The following AKR7A3 variants were observed in gnomAD, a reference collection of about 807,000 sequenced individuals.
AKR7A3 encodes AFB1 aldehyde reductase 2.
In AKR7A3, 37 loss-of-function variants were observed where a neutral mutation model predicts 32.5. The observed-to-expected ratio is 1.14, with a 90% CI of 0.88 to 1.50. AKR7A3 has a LOEUF of 1.50. Ranked by LOEUF, AKR7A3 falls within the 40% of genes most tolerant of loss-of-function variation. AKR7A3 has a pLI of 0.00. For missense variants in AKR7A3, 412 were observed against 453.2 expected (o/e 0.91, Z 0.83); for synonymous variants, 177 against 188.4 (o/e 0.94, Z 0.50).
downstream of AKR7A3, among the ~76,000 whole-genome samples, chr1:19,280,052 G>A (rs1351919727): frequency 6.6e-6 from 1 of 151,854 alleles, no homozygotes; most frequent in Non-Finnish European, 1.5e-5. Context: ...GGTCTAGACA[G>A]AACATCATCG....
Position 19,282,697 on chromosome 1 carries a change from A to G in AKR7A3, c.*34T>C, listed in dbSNP as rs1471813048. Reference sequence around the variant, plus strand: ...AAATGTGAGTAACAAAAGATGTTACAGAAGAGCCTTGGGCAGCCTGAGAAA... The same window carrying G: ...AAATGTGAGTAACAAAAGATGTTACGGAAGAGCCTTGGGCAGCCTGAGAAA... On this transcript the variant is annotated 3_prime_UTR_variant, in exon 7 of 7. Coordinates refer to ENST00000361640, the MANE Select transcript of AKR7A3 (RefSeq NM_012067.3). The G allele has an allele frequency of 6.2e-7, 1 of 1,613,858 alleles. No homozygotes were observed. Among genetic ancestry groups the G allele is most frequent in the Admixed American group, 1.7e-5 (1 of 60,012 alleles).
chr1:19,283,833 C>T (rs1268608096), intron 6 of AKR7A3, among the ~76,000 whole-genome samples, 163 bp downstream of exon 6: 1 of 142,818 alleles, frequency 7.0e-6, no homozygotes, highest in Non-Finnish European at 1.5e-5. Flanking sequence ...TCTGTCCCCC[C>T]AAAAAAAAAA....
intron 6 of AKR7A3, among the ~76,000 whole-genome samples, chr1:19,283,780 G>A (rs1013350555): frequency 1.2e-4 from 18 of 151,958 alleles, no homozygotes; most frequent in Admixed American, 7.8e-4. Flanking sequence ...GCAGTGACCC[G>A]AGATCATGCC....
chr1:19,275,786 C>A, the AKR7A3 span, among the ~76,000 whole-genome samples: 9 of 151,784 alleles, frequency 5.9e-5, no homozygotes, highest in Non-Finnish European at 5.9e-5. Context: ...ACCTGGGCAG[C>A]AGATTGAGAC....
chr1:19,284,911 G>A (rs1202133496), intron 4 of AKR7A3, 107 bp downstream of exon 4: 2 of 1,576,354 alleles, frequency 1.3e-6, no homozygotes, highest in Non-Finnish European at 1.7e-6. Context: ...TTACGTCTTT[G>A]ACCTCAGAGG....
intron 3 of AKR7A3, 59 bp from the exon 4 acceptor site, chr1:19,285,173 A>G (rs1489882694): frequency 9.2e-6 from 14 of 1,521,242 alleles, no homozygotes; most frequent in Non-Finnish European, 1.3e-5. Context: ...AGACTTCAAA[A>G]TTACCCTTCC....
In AKR7A3 at chr1:19,286,279, TGCA is replaced by T; in HGVS notation, c.305_307del (p.Leu102del). 6.2e-7 allele frequency: 1 copy of T among 1,613,948 alleles called. No homozygotes were observed. The highest frequency in any genetic ancestry group is 1.1e-5 in the South Asian group (1 of 91,084). On this transcript the variant is annotated inframe_deletion, in exon 2 of 7. Transcript: ENST00000361640. ...GTAGAAGAGGTCCACTCGGGGACAC[TGCA>T]GCCGCTTCAGTGACGTCTCCAGCTG...
In AKR7A3 at chr1:19,282,872, G is replaced by A; in HGVS notation, c.855C>T (p.Val285=). ...SQLQGAHGDA[V]ILGMSSLEQL... is the part of the protein sequence containing the mutation. The stretch of plus-strand genomic sequence containing the variant: ...GCTCCAGGCTGGACATGCCCAGGAT[G>A]ACCGCGTCCCCGTGGGCACCCTGCA... Residue 285 remains valine, a synonymous_variant, in exon 7 of 7, where the codon GTC becomes GTT. Transcript: ENST00000361640. 1 of 1,612,790 alleles carries A rather than the reference G, an allele frequency of 6.2e-7. No individual in the cohort carries two copies. Among genetic ancestry groups the A allele is most frequent in the South Asian group, 1.1e-5 (1 of 91,014 alleles).
downstream of AKR7A3, among the ~76,000 whole-genome samples, chr1:19,279,836 C>T (rs987238345): frequency 3.3e-5 from 5 of 151,822 alleles, no homozygotes; most frequent in Non-Finnish European, 5.9e-5. Flanking sequence ...ACCCACGACC[C>T]GCAGGCCGCA....
downstream of AKR7A3, chr1:19,282,452 G>A (rs546974019): frequency 3.1e-4 from 154 of 494,982 alleles, no homozygotes; most frequent in Middle Eastern, 1.2e-3. Flanking sequence ...AGCAGATGCC[G>A]GCACCACACC....
Position 19,288,729 on chromosome 1 carries a change from T to C in AKR7A3, c.-20A>G. The C allele has an allele frequency of 6.8e-7, 1 of 1,470,828 alleles. No homozygotes were observed. The highest frequency in any genetic ancestry group is 1.4e-5 in the South Asian group (1 of 73,852). 91.1% of individuals were successfully genotyped at this position (1,470,828 alleles called of 1,614,324 possible). A position where few individuals can be genotyped will look rare whatever the true frequency, so the allele number is the denominator to read the frequency against. On this transcript the variant is annotated 5_prime_UTR_variant, in exon 1 of 7. Transcript: ENST00000361640. ...GGACATGACGGCGGCAACGGGAGAC[T>C]GTGACAGCCCAGGAGCCGCGCGCAG...
rs373658016 is a variant in AKR7A3 at position 19,286,265 on chromosome 1, C to A, written c.322G>T (p.Asp108Tyr). The change falls in exon 2 of 7, where the codon GAC (aspartate) becomes TAC (tyrosine). Residue 108 changes from aspartate (D) to tyrosine (Y), a missense_variant. Physicochemically the swap from Asp to Tyr is radical, Grantham distance 160. Coordinates refer to ENST00000361640, the MANE Select transcript of AKR7A3 (RefSeq NM_012067.3). ...SLKRLQCPRV[D>Y]LFYLHMPDHS... The stretch of plus-strand genomic sequence containing the variant: ...TCTGGCATATGCAGGTAGAAGAGGT[C>A]CACTCGGGGACACTGCAGCCGCTTC... 31 of 1,613,808 alleles carry A rather than the reference C, an allele frequency of 1.9e-5. 1 individual carries two copies. In the African/African-American group the frequency reaches 3.6e-4, roughly 19 times the overall value.
At chr1:19,274,284 C>T in the AKR7A3 span, 3 of 1,004,918 alleles carry the variant, frequency 3.0e-6, no homozygotes, top group Non-Finnish European at 4.0e-6. Context: ...TTGCACCGAG[C>T]AAGCAGCGAA....
In AKR7A3 at chr1:19,284,696, A is replaced by G. The variant is rs745403878; in HGVS notation, c.694T>C (p.Tyr232His). 41 of 1,613,718 alleles carry G rather than the reference A, an allele frequency of 2.5e-5. No individual in the cohort carries two copies. In the Admixed American group the frequency reaches 3.5e-4, roughly 14 times the overall value. Residue 232 changes from tyrosine to histidine, a missense_variant, in exon 5 of 7, where the codon TAC (tyrosine) becomes CAC (histidine). By Grantham distance (83) the Tyr-to-His change is moderately conservative. Transcript: ENST00000361640. ...GCACCCACAGCTTACCGATTCCTGT[A>G]CATCTCTGCCCAGGTATTCCCAAAG... ...RFFGNTWAEM[Y>H]RNRYWKEHHF...
chr1:19,283,920 T>C (rs934664860), intron 6 of AKR7A3, 76 bp downstream of exon 6: 5 of 1,592,222 alleles, frequency 3.1e-6, no homozygotes, highest in Non-Finnish European at 4.3e-6. Context: ...GATAAACAAA[T>C]GTTTCAGCCT....
At position 19,286,280 on chromosome 1, in the gene AKR7A3, G is replaced by A. The variant is rs138113288; in HGVS notation, c.307C>T (p.Gln103Ter). The change falls in exon 2 of 7, where the codon CAG becomes TAG. Residue 103 changes from glutamine (Q) to a stop codon, truncating the protein, a stop_gained. Coordinates refer to ENST00000361640, the MANE Select transcript of AKR7A3 (RefSeq NM_012067.3). LOFTEE classifies it high-confidence loss of function. ...FQLETSLKRLQCPRVDLFYLH... is the reference protein window; with the variant it reads ...FQLETSLKRL ...TAGAAGAGGTCCACTCGGGGACACTGCAGCCGCTTCAGTGACGTCTCCAGC... is the reference window on the plus strand; with the variant it reads ...TAGAAGAGGTCCACTCGGGGACACTACAGCCGCTTCAGTGACGTCTCCAGC... The A allele has an allele frequency of 4.1e-5, 66 of 1,613,904 alleles. 1 individual carries two copies. In the African/African-American group the frequency reaches 8.0e-4, roughly 20 times the overall value.
the AKR7A3 span, among the ~76,000 whole-genome samples, chr1:19,274,913 A>AAAAAAAAAAAAAAAAAAAC: frequency 2.0e-5 from 3 of 148,780 alleles, no homozygotes; most frequent in Non-Finnish European, 3.0e-5. Flanking sequence ...AAAAAAAAAA[A>AAAAAAAAAAAAAAAAAAAC]AAGACCAATA....
chr1:19,281,525 C>T (rs2093718811), downstream of AKR7A3, among the ~76,000 whole-genome samples: 1 of 151,726 alleles, frequency 6.6e-6, no homozygotes, highest in African/African-American at 2.4e-5. Flanking sequence ...ATCCCAGCTA[C>T]TCAGGAAGCT....
downstream of AKR7A3, among the ~76,000 whole-genome samples, chr1:19,279,030 C>T (rs2093715105): frequency 1.3e-5 from 2 of 151,916 alleles, no homozygotes; most frequent in African/African-American, 4.9e-5. Context: ...ATAATCATAG[C>T]TCACTCCAGC....
Sources: allele counts gnomAD v4.1 joint callset (sites outside exome capture counted in the v4.1 genomes callset), GRCh38; gene constraint gnomAD v4.1.1; transcripts MANE v1.5; gene names NCBI Gene and HGNC (gene_info 2026-07-23, HGNC 2026-07-21).